The following MBOAT1 variants were observed in gnomAD, a reference collection of about 807,000 sequenced individuals.
MBOAT1 encodes the protein membrane-bound glycerophospholipid O-acyltransferase 1.
In MBOAT1, 67 loss-of-function variants were observed where a neutral mutation model predicts 64.4. That is an observed-to-expected ratio of 1.04 (90% CI 0.85 to 1.27). MBOAT1 has a LOEUF of 1.27. MBOAT1 is among the 50% of genes most tolerant of loss of function. The pLI is 0.00. For synonymous variants in MBOAT1, 229 were observed against 218.9 expected, an observed-to-expected ratio of 1.05 and a Z score of -0.41; for missense variants, 563 against 604.6, an observed-to-expected ratio of 0.93 and a Z score of 0.72.
intron 1 of MBOAT1, among the ~76,000 whole-genome samples, chr6:20,173,359 A>G (rs1235674024): frequency 6.6e-6 from 1 of 151,676 alleles, no homozygotes; most frequent in African/African-American, 2.4e-5. Flanking sequence ...GTCTGCATCC[A>G]TGAAAGAAAA....
Position 20,126,521 on chromosome 6 carries a change from G to A in MBOAT1, c.710C>T (p.Pro237Leu), listed in dbSNP as rs1760653903. The part of the protein sequence containing the change: ...KGFHSLPEPS[P>L]TGAVIHKLGI... ...CTCTAGACACTAAAAACTTACTGTGGGAGAAGGTTCTGGCAAGCTGTGGAA... is the reference window on the plus strand; with the variant it reads ...CTCTAGACACTAAAAACTTACTGTGAGAGAAGGTTCTGGCAAGCTGTGGAA... Residue 237 changes from proline (P) to leucine (L), a missense_variant, in exon 7 of 13, where the codon CCC becomes CTC. Coordinates refer to ENST00000324607, the MANE Select transcript of MBOAT1 (RefSeq NM_001080480.3). 1.9e-6 allele frequency: 3 copies of A among 1,607,190 alleles called. No homozygotes were observed. Among genetic ancestry groups the A allele is most frequent in the African/African-American group, 2.7e-5 (2 of 74,314 alleles).
intron 4 of MBOAT1, among the ~76,000 whole-genome samples, chr6:20,135,622 G>C (rs886898398): frequency 6.6e-6 from 1 of 152,158 alleles, no homozygotes; most frequent in African/African-American, 2.4e-5. Flanking sequence ...CCCAGACATC[G>C]GTTATTGGTG....
chr6:20,170,506 AC>A (rs986901109), intron 1 of MBOAT1, among the ~76,000 whole-genome samples: 2 of 151,678 alleles, frequency 1.3e-5, no homozygotes, highest in African/African-American at 4.8e-5. Flanking sequence ...AGAATCAATC[AC>A]CTCATATTAT....
chr6:20,205,995 C>T (rs1162258597), intron 1 of MBOAT1, among the ~76,000 whole-genome samples: 1 of 152,076 alleles, frequency 6.6e-6, no homozygotes, highest in Non-Finnish European at 1.5e-5. Flanking sequence ...ACGTGCTGCC[C>T]CTAACTTCCT....
chr6:20,135,010 G>C (rs1309497029), intron 4 of MBOAT1, among the ~76,000 whole-genome samples: 1 of 147,610 alleles, frequency 6.8e-6, no homozygotes, highest in Non-Finnish European at 1.5e-5. Context: ...ATGGCTCCTT[G>C]ATGCAGCCCC....
chr6:20,136,505 C>T (rs1428348973), intron 4 of MBOAT1, among the ~76,000 whole-genome samples: 1 of 152,114 alleles, frequency 6.6e-6, no homozygotes, highest in Non-Finnish European at 1.5e-5. Flanking sequence ...TGCAAATATC[C>T]TCTTTTTTTC....
intron 1 of MBOAT1, among the ~76,000 whole-genome samples, chr6:20,188,880 T>A (rs915400638): frequency 1.3e-5 from 2 of 152,212 alleles, no homozygotes; most frequent in Non-Finnish European, 2.9e-5. Flanking sequence ...TGCCTGCAGG[T>A]TGTTCTTTTG....
At chr6:20,112,548 C>A (rs1045565845) in intron 11 of MBOAT1, among the ~76,000 whole-genome samples, 15 of 152,136 alleles carry the variant, frequency 9.9e-5, no homozygotes, top group Admixed American at 3.9e-4. Flanking sequence ...AATTAATAAT[C>A]ATCATCATCT....
chr6:20,180,543 G>C (rs113576771), intron 1 of MBOAT1, among the ~76,000 whole-genome samples: 52 of 152,218 alleles, frequency 3.4e-4, no homozygotes, highest in African/African-American at 1.2e-3. Context: ...CCACAGCTCT[G>C]TGTCACTCAT....
intron 1 of MBOAT1, among the ~76,000 whole-genome samples, chr6:20,184,153 G>A (rs1027532170): frequency 3.9e-5 from 6 of 152,170 alleles, no homozygotes; most frequent in African/African-American, 1.4e-4. Context: ...GCAATGCATG[G>A]AGTCTTTGGA....
intron 1 of MBOAT1, among the ~76,000 whole-genome samples, chr6:20,155,341 A>G (rs1460838971): frequency 6.6e-6 from 1 of 152,248 alleles, no homozygotes; most frequent in Non-Finnish European, 1.5e-5. Flanking sequence ...CAGGGATAGA[A>G]GAGAAACAAG....
At position 20,131,145 on chromosome 6, in the gene MBOAT1, A is replaced by T; in HGVS notation, c.474T>A (p.Asp158Glu). The change falls in exon 5 of 13, where the codon GAT becomes GAA. Residue 158 changes from aspartate (D) to glutamate (E), a missense_variant and splice_region_variant. Coordinates refer to ENST00000324607, the MANE Select transcript of MBOAT1 (RefSeq NM_001080480.3). ...KITTLAFQVH[D>E]GLGRRAEDLS... The stretch of plus-strand genomic sequence containing the variant: ...CAAAAGGAGGGCTGCTGTTCTTACC[A>T]TCATGAACCTGGAATGCCAAGGTTG... The T allele has an allele frequency of 1.9e-6, 3 of 1,613,698 alleles. No individual in the cohort carries two copies. The highest frequency in any genetic ancestry group is 2.5e-6 in the Non-Finnish European group (3 of 1,179,604).
chr6:20,206,708 C>A lies in MBOAT1; in HGVS notation c.99+5428G>T, dbSNP rs1290933165. Among the ~76,000 whole-genome samples, 3 of 152,132 alleles carry A rather than the reference C, an allele frequency of 2.0e-5. No individual in the cohort carries two copies. The South Asian group carries it at 6.2e-4, about 32-fold the overall frequency. Reference sequence around the variant, plus strand: ...TTAGGGACCTCATAGTCTTCTCCACCGCAACTCCCCAAATTCACCTGGGTA... The same window carrying A: ...TTAGGGACCTCATAGTCTTCTCCACAGCAACTCCCCAAATTCACCTGGGTA... On this transcript the variant is annotated intron_variant, in intron 1 of 12. Coordinates refer to ENST00000324607, the MANE Select transcript of MBOAT1 (RefSeq NM_001080480.3).
intron 6 of MBOAT1, 114 bp downstream of exon 6, chr6:20,128,585 T>C (rs1373934332): frequency 2.8e-6 from 2 of 726,042 alleles, no homozygotes; most frequent in Non-Finnish European, 4.3e-6. Flanking sequence ...ATTCATAAAA[T>C]AAATGATATT....
intron 1 of MBOAT1, among the ~76,000 whole-genome samples, chr6:20,185,276 A>C (rs757541868): frequency 3.3e-5 from 5 of 152,182 alleles, no homozygotes; most frequent in Non-Finnish European, 5.9e-5. Context: ...AATCAATAGC[A>C]AATGTGATGG....
intron 1 of MBOAT1, among the ~76,000 whole-genome samples, chr6:20,180,526 A>G (rs1339136632): frequency 2.6e-5 from 4 of 152,100 alleles, no homozygotes; most frequent in Non-Finnish European, 5.9e-5. Context: ...TCTTGCTCCA[A>G]TAAACACCAC....
Position 20,125,587 on chromosome 6 carries a change from G to A in MBOAT1, c.714+930C>T, listed in dbSNP as rs544871861. Among the ~76,000 whole-genome samples, 6 of 152,200 alleles carry A rather than the reference G, an allele frequency of 3.9e-5. No homozygotes were observed. The East Asian group carries it at 1.2e-3, about 29-fold the overall frequency. Reference sequence around the variant, plus strand: ...CCTTATAAATAAAAGCACGAGAAGCGTGAAAACACTAAGGTGACAGATACT... The same window carrying A: ...CCTTATAAATAAAAGCACGAGAAGCATGAAAACACTAAGGTGACAGATACT... On this transcript the variant is annotated intron_variant, in intron 7 of 12. Coordinates refer to ENST00000324607, the MANE Select transcript of MBOAT1 (RefSeq NM_001080480.3).
At chr6:20,171,591 T>C (rs1037476466) in intron 1 of MBOAT1, among the ~76,000 whole-genome samples, 20 of 152,248 alleles carry the variant, frequency 1.3e-4, no homozygotes, top group Admixed American at 1.2e-3. Flanking sequence ...GGTTATTTCA[T>C]GTACGTCTAT....
At position 20,113,033 on chromosome 6, in the gene MBOAT1, C is replaced by G. The variant is rs764631753; in HGVS notation, c.1077-25G>C. 3.7e-6 allele frequency: 6 copies of G among 1,607,020 alleles called. No homozygotes were observed. The East Asian group carries it at 1.1e-4, about 30-fold the overall frequency. ...ACTGTGAAGAGAGGAAGGAACAAGACACAGGTGAAACATACCAGAAACTTC... is the reference window on the plus strand; with the variant it reads ...ACTGTGAAGAGAGGAAGGAACAAGAGACAGGTGAAACATACCAGAAACTTC... On this transcript the variant is annotated intron_variant, in intron 10 of 12. Coordinates refer to ENST00000324607, the MANE Select transcript of MBOAT1 (RefSeq NM_001080480.3).
Sources: allele counts gnomAD v4.1 joint callset (sites outside exome capture counted in the v4.1 genomes callset), GRCh38; gene constraint gnomAD v4.1.1; transcripts MANE v1.5; gene names NCBI Gene and HGNC (gene_info 2026-07-23, HGNC 2026-07-21).